The following BTBD10 variants were observed in gnomAD, a reference collection of about 807,000 sequenced individuals.
The protein encoded by BTBD10 is BTB/POZ domain-containing protein 10.
Under a neutral mutation model 53.2 loss-of-function variants are expected in BTBD10, and 21 were observed. That is an observed-to-expected ratio of 0.39 (90% CI 0.28 to 0.57). The LOEUF is 0.57. Among genes scored for constraint, BTBD10 ranks in the 20% least tolerant of loss-of-function variants. The pLI is 0.53. For synonymous variants in BTBD10, 149 were observed against 192.7 expected, an observed-to-expected ratio of 0.77 and a Z score of 1.88; for missense variants, 360 against 594.7, an observed-to-expected ratio of 0.61 and a Z score of 4.10.
chr11:13,453,307 TTAAA>T (rs1354585184), intron 1 of BTBD10, among the ~76,000 whole-genome samples: 1 of 151,818 alleles, frequency 6.6e-6, no homozygotes, highest in East Asian at 1.9e-4. Flanking sequence ...AATTTAAAAA[TTAAA>T]TACACATACA....
At chr11:13,430,282 G>A (rs760102400) in intron 2 of BTBD10, among the ~76,000 whole-genome samples, 18 of 152,156 alleles carry the variant, frequency 1.2e-4, no homozygotes, top group South Asian at 4.2e-4. Context: ...AAATGATAGC[G>A]TCACTTGTCA....
At chr11:13,438,893 CTA>C (rs1195021354) in intron 2 of BTBD10, among the ~76,000 whole-genome samples, 2 of 151,864 alleles carry the variant, frequency 1.3e-5, no homozygotes, top group Admixed American at 1.3e-4. Flanking sequence ...TTTTATAACT[CTA>C]TTTAATAAGC....
Position 13,457,023 on chromosome 11 carries a change from A to G in BTBD10, c.-58+6069T>C, listed in dbSNP as rs945417519. ...TAAAAGATACAAAAATTAGCCAAGCATGGTGGCACATGCCTGTAGTCCCAG... is the reference window on the plus strand; with the variant it reads ...TAAAAGATACAAAAATTAGCCAAGCGTGGTGGCACATGCCTGTAGTCCCAG... On this transcript the variant is annotated intron_variant, in intron 1 of 8. Coordinates refer to ENST00000278174, the MANE Select transcript of BTBD10 (RefSeq NM_032320.7). 5.3e-5 allele frequency among the ~76,000 whole-genome samples: 8 copies of G among 152,170 alleles called. No individual in the cohort carries two copies. In the South Asian group the frequency reaches 1.7e-3, roughly 32 times the overall value.
chr11:13,443,048 T>C (rs184118725), intron 2 of BTBD10, among the ~76,000 whole-genome samples: 6 of 152,246 alleles, frequency 3.9e-5, no homozygotes, highest in African/African-American at 1.2e-4. Context: ...TTAATGTTTT[T>C]CACTCAAATA....
chr11:13,408,512 C>T (rs1381368859), intron 6 of BTBD10, among the ~76,000 whole-genome samples: 2 of 152,206 alleles, frequency 1.3e-5, no homozygotes, highest in Non-Finnish European at 2.9e-5. Flanking sequence ...ACCCACATTT[C>T]TCTGCTGAAC....
At chr11:13,413,706 ACTT>A (rs1950020054) in intron 5 of BTBD10, 56 bp from the exon 6 acceptor site, 2 of 1,495,974 alleles carry the variant, frequency 1.3e-6, no homozygotes, top group Admixed American at 4.1e-5. Context: ...GGTAGCCAAA[ACTT>A]ATTATTAAGG....
At chr11:13,430,502 A>G (rs1344397630) in intron 2 of BTBD10, among the ~76,000 whole-genome samples, 1 of 152,208 alleles carries the variant, frequency 6.6e-6, no homozygotes, top group Non-Finnish European at 1.5e-5. Flanking sequence ...CTCTAGCCAT[A>G]TGATTCAGCC....
intron 4 of BTBD10, among the ~76,000 whole-genome samples, chr11:13,418,915 A>G (rs1428510691): frequency 6.6e-6 from 1 of 151,732 alleles, no homozygotes; most frequent in Non-Finnish European, 1.5e-5. Flanking sequence ...CTGGACCAGC[A>G]CAAATCAGAA....
chr11:13,395,533 CT>C (rs1949524966), intron 8 of BTBD10, among the ~76,000 whole-genome samples: 1 of 152,162 alleles, frequency 6.6e-6, no homozygotes, highest in Non-Finnish European at 1.5e-5. Context: ...TGCAGAAGCT[CT>C]TTAGTTTAAT....
intron 1 of BTBD10, among the ~76,000 whole-genome samples, chr11:13,451,245 G>A (rs1950852947): frequency 6.6e-6 from 1 of 152,150 alleles, no homozygotes; most frequent in African/African-American, 2.4e-5. Flanking sequence ...CTTGAAAGCT[G>A]CATGGCATGA....
chr11:13,424,740 C>G (rs1260351435), intron 2 of BTBD10, among the ~76,000 whole-genome samples: 2 of 152,058 alleles, frequency 1.3e-5, no homozygotes, highest in Non-Finnish European at 2.9e-5. Context: ...CTGAAACAAC[C>G]CAAGAAACCA....
intron 1 of BTBD10, among the ~76,000 whole-genome samples, chr11:13,449,373 G>A (rs1950809230): frequency 1.3e-5 from 2 of 151,836 alleles, no homozygotes; most frequent in Non-Finnish European, 2.9e-5. Context: ...TTTCATATAT[G>A]AGGAAATCTT....
chr11:13,417,066 C>G (rs1279414633), intron 5 of BTBD10, 92 bp downstream of exon 5: 1 of 828,364 alleles, frequency 1.2e-6, no homozygotes, highest in Non-Finnish European at 1.9e-6. Context: ...GGAATAACTC[C>G]AGAGAGATAT....
rs573638303 is a variant in BTBD10 at position 13,388,670 on chromosome 11, C to T, written c.*161G>A. ...AGAGTTGTACTCATTTAAAAAAAAACCATTCAGCTACCTTTGGTCTTTAAA... is the reference window on the plus strand; with the variant it reads ...AGAGTTGTACTCATTTAAAAAAAAATCATTCAGCTACCTTTGGTCTTTAAA... On this transcript the variant is annotated 3_prime_UTR_variant, in exon 9 of 9. Transcript: ENST00000278174. The T allele has an allele frequency of 5.7e-6, 4 of 697,956 alleles. No homozygotes were observed. Among genetic ancestry groups the T allele is most frequent in the Admixed American group, 6.0e-5 (2 of 33,400 alleles). The allele number at this position is 697,956 out of a possible 1,614,324, so 43.2% of individuals were successfully genotyped here.
intron 1 of BTBD10, among the ~76,000 whole-genome samples, chr11:13,458,348 T>TAC (rs1219190522): frequency 1.3e-5 from 2 of 151,970 alleles, no homozygotes; most frequent in Non-Finnish European, 2.9e-5. Flanking sequence ...ATGTATATAG[T>TAC]ACACACACAC....
intron 1 of BTBD10, among the ~76,000 whole-genome samples, chr11:13,460,581 C>T (rs1033858664): frequency 3.3e-5 from 5 of 152,158 alleles, no homozygotes; most frequent in African/African-American, 1.2e-4. Context: ...AATTAATATA[C>T]CTATCCTTCT....
chr11:13,437,423 C>T (rs1950564723), intron 2 of BTBD10, among the ~76,000 whole-genome samples: 1 of 152,152 alleles, frequency 6.6e-6, no homozygotes, highest in Non-Finnish European at 1.5e-5. Context: ...AGTACAACAA[C>T]TCAGCCTCAA....
intron 7 of BTBD10, 34 bp downstream of exon 7, chr11:13,405,625 A>T (rs771034030): frequency 6.2e-7 from 1 of 1,608,540 alleles, no homozygotes; most frequent in Non-Finnish European, 8.5e-7. Flanking sequence ...ATTCGTGATG[A>T]TTCAGGGGAG....
chr11:13,433,877 A>G (rs1235420850), intron 2 of BTBD10, among the ~76,000 whole-genome samples: 1 of 152,164 alleles, frequency 6.6e-6, no homozygotes, highest in Non-Finnish European at 1.5e-5. Context: ...TTTAATAACA[A>G]TTTATCTCTC....
Sources: allele counts gnomAD v4.1 joint callset (sites outside exome capture counted in the v4.1 genomes callset), GRCh38; gene constraint gnomAD v4.1.1; transcripts MANE v1.5; gene names NCBI Gene and HGNC (gene_info 2026-07-23, HGNC 2026-07-21).